Variants in DENND1B observed in about 807,000 individuals in gnomAD.
DENND1B encodes the protein DENN domain containing 1B, also known as DENN domain-containing protein 1B.
In DENND1B, 59 loss-of-function variants were observed where a neutral mutation model predicts 90.1. The ratio of observed to expected loss-of-function variants is 0.65; its 90% CI spans 0.53 to 0.81. The LOEUF is 0.81. Among genes scored for constraint, DENND1B ranks in the 40% least tolerant of loss-of-function variants. The pLI is 0.00. For synonymous variants in DENND1B, 337 were observed against 324.6 expected, an observed-to-expected ratio of 1.04 and a Z score of -0.41; for missense variants, 862 against 912.6, an observed-to-expected ratio of 0.94 and a Z score of 0.71.
At chr1:197,747,158 C>T in intron 2 of DENND1B, 1 of 764,842 alleles carries the variant, frequency 1.3e-6, no homozygotes, top group African/African-American at 1.7e-5. Flanking sequence ...CTTTTTTTCC[C>T]TCTGAATCTT....
chr1:197,565,459 TTTC>T (rs1452262403), intron 15 of DENND1B, among the ~76,000 whole-genome samples: 4 of 148,652 alleles, frequency 2.7e-5, no homozygotes, highest in Non-Finnish European at 6.0e-5. Flanking sequence ...CTCCTATAAT[TTTC>T]TTTTTTTTCT....
chr1:197,584,499 T>A (rs1674520026), intron 14 of DENND1B, among the ~76,000 whole-genome samples: 1 of 152,130 alleles, frequency 6.6e-6, no homozygotes. Flanking sequence ...TCCTTCAGCA[T>A]AAAAAGTTTT....
rs775503514 is a variant in DENND1B, at chr1:197,773,060, T to C, written c.18-128A>G. The C allele has an allele frequency of 3.7e-5, 29 of 775,290 alleles. 1 individual carries two copies. Among genetic ancestry groups the C allele is most frequent in the South Asian group, 1.2e-4 (8 of 64,488 alleles). The allele number at this position is 775,290 out of a possible 1,614,324, so 48.0% of individuals were successfully genotyped here. On this transcript the variant is annotated intron_variant, in intron 1 of 22. Coordinates refer to ENST00000620048, the MANE Select transcript of DENND1B (RefSeq NM_001195215.2). ...ATTTCACGTGACTGTATTACTACAG[T>C]ATAGTAGAAATAACAATGAAACTGT...
At chr1:197,775,104 G>A (rs975187999) in intron 1 of DENND1B, 35 bp downstream of exon 1, 5 of 1,242,004 alleles carry the variant, frequency 4.0e-6, no homozygotes, top group South Asian at 6.4e-5. Context: ...GCCGAGGGAC[G>A]CCCGCCCCCG....
At chr1:197,536,551 G>C (rs959657885) in intron 20 of DENND1B, among the ~76,000 whole-genome samples, 1 of 151,950 alleles carries the variant, frequency 6.6e-6, no homozygotes, top group Non-Finnish European at 1.5e-5. Context: ...TGGAAGCCTT[G>C]GGAAAAAAAT....
At chr1:197,620,762 C>A (rs1351879582) in intron 10 of DENND1B, among the ~76,000 whole-genome samples, 2 of 151,312 alleles carry the variant, frequency 1.3e-5, no homozygotes, top group African/African-American at 2.4e-5. Flanking sequence ...TATGAGGCAA[C>A]AGGGACACAG....
chr1:197,542,706 A>G (rs1670423505), intron 18 of DENND1B, among the ~76,000 whole-genome samples: 1 of 152,198 alleles, frequency 6.6e-6, no homozygotes, highest in African/African-American at 2.4e-5. Flanking sequence ...GGAATTTCAG[A>G]GTACACATTT....
intron 2 of DENND1B, among the ~76,000 whole-genome samples, chr1:197,739,742 A>T (rs1205986559): frequency 6.6e-6 from 1 of 152,114 alleles, no homozygotes; most frequent in Non-Finnish European, 1.5e-5. Flanking sequence ...ATCTTTCAAA[A>T]CTCAGTAATA....
intron 10 of DENND1B, among the ~76,000 whole-genome samples, chr1:197,623,268 C>G (rs546745311): frequency 1.1e-4 from 17 of 151,398 alleles, no homozygotes; most frequent in Admixed American, 9.2e-4. Flanking sequence ...ATTTAAGCAT[C>G]ATAAATAACT....
intron 20 of DENND1B, among the ~76,000 whole-genome samples, chr1:197,513,871 C>T (rs966489323): frequency 6.6e-6 from 1 of 151,546 alleles, no homozygotes; most frequent in Non-Finnish European, 1.5e-5. Context: ...GCTATCCTGT[C>T]CTCACTTCCT....
intron 10 of DENND1B, among the ~76,000 whole-genome samples, chr1:197,622,418 C>A (rs1247011875): frequency 6.6e-6 from 1 of 151,332 alleles, no homozygotes; most frequent in Non-Finnish European, 1.5e-5. Flanking sequence ...AGTATAGTAA[C>A]CACTATTTCA....
At chr1:197,513,111 A>G (rs1005313264) in intron 20 of DENND1B, among the ~76,000 whole-genome samples, 158 bp from the exon 21 acceptor site, 2 of 151,526 alleles carry the variant, frequency 1.3e-5, no homozygotes, top group African/African-American at 2.4e-5. Context: ...AAACTGGGAC[A>G]GGAAGAAAGG....
intron 9 of DENND1B, among the ~76,000 whole-genome samples, chr1:197,643,297 G>A (rs931680893): frequency 1.3e-5 from 2 of 151,944 alleles, no homozygotes; most frequent in African/African-American, 4.8e-5. Flanking sequence ...TAGGATTACA[G>A]GTGCACGCCA....
At chr1:197,745,979 A>G (rs1663705967) in intron 2 of DENND1B, among the ~76,000 whole-genome samples, 1 of 152,218 alleles carries the variant, frequency 6.6e-6, no homozygotes, top group African/African-American at 2.4e-5. Context: ...ATTAAGGTCA[A>G]GTCATTTGTA....
At chr1:197,549,989 T>C (rs1671095721) in intron 16 of DENND1B, among the ~76,000 whole-genome samples, 1 of 152,178 alleles carries the variant, frequency 6.6e-6, no homozygotes, top group African/African-American at 2.4e-5. Flanking sequence ...CTCCATCATA[T>C]TCATATTCAT....
chr1:197,704,569 A>C (rs949869212), intron 3 of DENND1B, among the ~76,000 whole-genome samples: 2 of 152,138 alleles, frequency 1.3e-5, no homozygotes, highest in African/African-American at 4.8e-5. Context: ...AAAAAGAAAA[A>C]ATATATAATC....
At chr1:197,725,356 T>C (rs1402923462) in intron 2 of DENND1B, among the ~76,000 whole-genome samples, 2 of 152,004 alleles carry the variant, frequency 1.3e-5, no homozygotes, top group African/African-American at 4.8e-5. Flanking sequence ...GTAGGGAAAA[T>C]AAATACATTT....
rs151286561 is a variant in DENND1B at position 197,621,333 on chromosome 1, T to C, written c.673-3574A>G. Among the ~76,000 whole-genome samples the C allele has an allele frequency of 5.6e-3, 843 of 149,384 alleles. 9 individuals are homozygous for C. The highest frequency in any genetic ancestry group is 0.019 in the African/African-American group (785 of 40,554). ...AAGGAAAATAGAGCCTTCTAGGACA[T>C]GGCAAAGACTCTAAATATTATTCTG... is the stretch of plus-strand genomic sequence containing the variant. On this transcript the variant is annotated intron_variant, in intron 10 of 22. Transcript: ENST00000620048.
At chr1:197,638,661 C>G (rs1258480084) in intron 10 of DENND1B, among the ~76,000 whole-genome samples, 2 of 152,150 alleles carry the variant, frequency 1.3e-5, no homozygotes, top group African/African-American at 2.4e-5. Flanking sequence ...ACTGATACCC[C>G]CTTGTAATAT....
Sources: gnomAD v4.1 joint callset for allele counts (sites outside exome capture counted in the v4.1 genomes callset) on GRCh38, gnomAD v4.1.1 for gene constraint, MANE v1.5 for transcripts, NCBI Gene and HGNC (gene_info 2026-07-23, HGNC 2026-07-21) for gene names.